GAR1: variants seen among roughly 807,000 people sequenced by gnomAD.
The protein encoded by GAR1 is H/ACA ribonucleoprotein complex subunit 1.
In GAR1, 11 loss-of-function variants were observed where a neutral mutation model predicts 29.3. That is an observed-to-expected ratio of 0.38 (90% CI 0.24 to 0.62). GAR1 has a LOEUF of 0.62. GAR1 is among the 20% of genes least tolerant of loss of function. The pLI is 0.62. For missense variants in GAR1, 237 were observed against 268.4 expected (o/e 0.88, Z 0.82); for synonymous variants, 87 against 93.3 (o/e 0.93, Z 0.39).
intron 4 of GAR1, chr4:109,819,683 A>C (rs762864777): frequency 6.6e-6 from 1 of 152,378 alleles, no homozygotes; most frequent in Non-Finnish European, 1.5e-5. Flanking sequence ...AGCGTCCAGG[A>C]TTCAATTTTA....
chr4:109,816,611 C>T (rs1733360872), intron 2 of GAR1, among the ~76,000 whole-genome samples: 1 of 152,020 alleles, frequency 6.6e-6, no homozygotes, highest in African/African-American at 2.4e-5. Flanking sequence ...GCCTAATTCC[C>T]CGATTTTACA....
chr4:109,817,400 A>C (rs1174895106), intron 2 of GAR1, among the ~76,000 whole-genome samples: 1 of 152,184 alleles, frequency 6.6e-6, no homozygotes, highest in Admixed American at 6.5e-5. Context: ...TTGAGATTCC[A>C]GATGTCCTTG....
In GAR1 at chr4:109,822,361, A is replaced by G; in HGVS notation, c.444A>G (p.Pro148=). 6.3e-7 allele frequency: 1 copy of G among 1,582,202 alleles called. No homozygotes were observed. Among genetic ancestry groups the G allele is most frequent in the East Asian group, 2.3e-5 (1 of 43,924 alleles). ...FKKLQKFYID[P]YKLLPLQRFL... ...TATGTTTCCAGTTTTATATAGACCC[A>G]TATAAGCTGCTGCCACTGCAGAGGT... Residue 148 remains proline (P), a synonymous_variant, in exon 5 of 7, where the codon CCA becomes CCG. Transcript: ENST00000226796.
chr4:109,816,797 C>G (rs1031517222), intron 2 of GAR1, among the ~76,000 whole-genome samples: 9 of 152,076 alleles, frequency 5.9e-5, no homozygotes, highest in African/African-American at 2.2e-4. Flanking sequence ...AGTTAGAGAC[C>G]AGCCTGGATA....
intron 1 of GAR1, 46 bp from the exon 2 acceptor site, chr4:109,816,107 A>G: frequency 6.4e-7 from 1 of 1,556,216 alleles, no homozygotes. Context: ...GAGTATACTC[A>G]GAGGCTACAG....
At chr4:109,824,367 A>G (rs934605129) in intron 6 of GAR1, 51 bp from the exon 7 acceptor site, 8 of 1,267,734 alleles carry the variant, frequency 6.3e-6, no homozygotes, top group Non-Finnish European at 9.2e-6. Flanking sequence ...TTATAATACT[A>G]TTAAAAATCC....
intron 3 of GAR1, among the ~76,000 whole-genome samples, chr4:109,818,473 TTCTC>T (rs1194926971): frequency 7.0e-6 from 1 of 143,578 alleles, no homozygotes; most frequent in Admixed American, 6.7e-5. Flanking sequence ...CTTTCTTTCT[TTCTC>T]TCTCTTTCTC....
At chr4:109,822,099 A>T (rs932206684) in intron 4 of GAR1, among the ~76,000 whole-genome samples, 2 of 147,938 alleles carry the variant, frequency 1.4e-5, no homozygotes, top group African/African-American at 5.0e-5. Context: ...ACCATGGCAC[A>T]TGTGTACCTA....
chr4:109,818,843 G>A (rs980763854), intron 3 of GAR1, among the ~76,000 whole-genome samples, 158 bp from the exon 4 acceptor site: 4 of 152,000 alleles, frequency 2.6e-5, no homozygotes, highest in Admixed American at 2.6e-4. Context: ...GGGTTTGCAG[G>A]TGTGAGCCAC....
intron 4 of GAR1, chr4:109,819,309 G>A (rs574250483): frequency 5.8e-5 from 27 of 468,130 alleles, no homozygotes; most frequent in East Asian, 1.3e-4. Flanking sequence ...TAGAGTAAGA[G>A]TTTTTTGTTT....
chr4:109,823,952 A>T lies in GAR1; in HGVS notation c.572-13A>T. The T allele has an allele frequency of 6.4e-7, 1 of 1,555,002 alleles. No individual in the cohort carries two copies. The highest frequency in any genetic ancestry group is 8.9e-7 in the Non-Finnish European group (1 of 1,128,040). On this transcript the variant is annotated splice_polypyrimidine_tract_variant and intron_variant, in intron 5 of 6. Transcript: ENST00000226796. The stretch of plus-strand genomic sequence containing the variant: ...TAAATACTTTGCGTTATTATTTAAT[A>T]AATGTTTTTTAGGTGGTTTTAGAGG...
intron 4 of GAR1, among the ~76,000 whole-genome samples, chr4:109,821,567 G>A (rs889003042): frequency 6.6e-6 from 1 of 152,080 alleles, no homozygotes; most frequent in Non-Finnish European, 1.5e-5. Flanking sequence ...TACTTTGTGT[G>A]TTCAGAAGAT....
At chr4:109,817,890 C>T (rs947289373) in intron 2 of GAR1, 46 bp from the exon 3 acceptor site, 17 of 1,502,534 alleles carry the variant, frequency 1.1e-5, no homozygotes, top group South Asian at 2.4e-5. Flanking sequence ...TGGTCAGTAT[C>T]GTTTGAAATA....
intron 5 of GAR1, among the ~76,000 whole-genome samples, chr4:109,823,300 T>TTAAATTGAGAAA (rs1218026718): frequency 6.6e-6 from 1 of 152,178 alleles, no homozygotes; most frequent in Non-Finnish European, 1.5e-5. Context: ...AAGGAACGCC[T>TTAAATTGAGAAA]CACTTTTGGC....
In GAR1 at chr4:109,824,502, G is replaced by T; in HGVS notation, c.*71G>T. The T allele has an allele frequency of 8.8e-7, 1 of 1,132,358 alleles. No homozygotes were observed. Among genetic ancestry groups the T allele is most frequent in the Non-Finnish European group, 1.3e-6 (1 of 751,504 alleles). 70.1% of individuals were successfully genotyped at this position (1,132,358 alleles called of 1,614,324 possible). A position where few individuals can be genotyped will look rare whatever the true frequency, so the allele number is the denominator to read the frequency against. Reference sequence around the variant, plus strand: ...GCATGATCTGTTTCTACTATGGATTGGAAACTTGTTTCTTGAACAAGTCTT... The same window carrying T: ...GCATGATCTGTTTCTACTATGGATTTGAAACTTGTTTCTTGAACAAGTCTT... On this transcript the variant is annotated 3_prime_UTR_variant, in exon 7 of 7. Coordinates refer to ENST00000226796, the MANE Select transcript of GAR1 (RefSeq NM_018983.4).
intron 3 of GAR1, among the ~76,000 whole-genome samples, chr4:109,818,432 CCTTT>C (rs1733410031): frequency 6.6e-6 from 1 of 151,928 alleles, no homozygotes; most frequent in Non-Finnish European, 1.5e-5. Flanking sequence ...CTCCTTCCTT[CCTTT>C]CTCTCTCTCT....
intron 5 of GAR1, 90 bp from the exon 6 acceptor site, chr4:109,823,875 A>G (rs892877062): frequency 9.3e-6 from 7 of 753,340 alleles, no homozygotes; most frequent in Non-Finnish European, 9.0e-6. Flanking sequence ...GCTTATCAAT[A>G]TAAGAGGTTA....
chr4:109,820,580 A>C (rs1441322392), intron 4 of GAR1, among the ~76,000 whole-genome samples: 5 of 152,180 alleles, frequency 3.3e-5, no homozygotes, highest in Non-Finnish European at 5.9e-5. Flanking sequence ...GTTAAAAAAA[A>C]AAAGGCAAAC....
At chr4:109,816,431 G>A in intron 2 of GAR1, 53 bp downstream of exon 2, 1 of 1,551,100 alleles carries the variant, frequency 6.4e-7, no homozygotes, top group Non-Finnish European at 8.9e-7. Context: ...TGGGTTGGGG[G>A]TTTGTGTTGT....
Sources: gnomAD v4.1 joint callset for allele counts (sites outside exome capture counted in the v4.1 genomes callset) on GRCh38, gnomAD v4.1.1 for gene constraint, MANE v1.5 for transcripts, NCBI Gene and HGNC (gene_info 2026-07-23, HGNC 2026-07-21) for gene names.